Variants in GNG7 observed in about 807,000 individuals in gnomAD.
GNG7 encodes the protein G protein subunit gamma 7, also known as guanine nucleotide-binding protein G(I)/G(S)/G(O) subunit gamma-7.
A neutral mutation model predicts 4.0 loss-of-function variants in GNG7; 1 was observed. That is an observed-to-expected ratio of 0.25 (90% CI 0.09 to 1.18). GNG7 has a LOEUF of 1.18. Ranked by LOEUF, GNG7 falls within the 50% of genes most tolerant of loss-of-function variation. GNG7 has a pLI of 0.50. For synonymous variants in GNG7, 34 were observed against 36.9 expected, an observed-to-expected ratio of 0.92 and a Z score of 0.29; for missense variants, 86 against 91.9, an observed-to-expected ratio of 0.94 and a Z score of 0.26.
intron 3 of GNG7, among the ~76,000 whole-genome samples, chr19:2,531,218 C>T (rs1007226616): frequency 1.4e-5 from 2 of 146,646 alleles, no homozygotes; most frequent in African/African-American, 2.5e-5. Context: ...ATGAGAGAAT[C>T]CCTTGAATCC....
In GNG7 at chr19:2,614,088, C is replaced by CGTTGCAGGCGTCT. The variant is rs1981652474; in HGVS notation, c.-78+32123_-78+32135dup. 6.6e-6 allele frequency among the ~76,000 whole-genome samples: 1 copy of CGTTGCAGGCGTCT among 152,206 alleles called. No homozygotes were observed. Among genetic ancestry groups the CGTTGCAGGCGTCT allele is most frequent in the South Asian group, 2.1e-4 (1 of 4,832 alleles). On this transcript the variant is annotated intron_variant, in intron 2 of 4. Coordinates refer to ENST00000382159, the MANE Select transcript of GNG7 (RefSeq NM_052847.3). This position sits in a 1 kb window ranked among gnomAD's most constrained non-coding sequence, Gnocchi z 6.0. The stretch of plus-strand genomic sequence containing the variant: ...GGGGCCAGCCTCGCACAGGTGGGTC[C>CGTTGCAGGCGTCT]GTTGCAGGCGTCTGTTGCGAGACCA...
chr19:2,523,457 G>A (rs183464623), intron 3 of GNG7, among the ~76,000 whole-genome samples: 145 of 152,120 alleles, frequency 9.5e-4, no homozygotes, highest in Middle Eastern at 6.8e-3. Context: ...GGAGGCTGAG[G>A]TGGGAGGATC....
chr19:2,574,094 C>T (rs954457414), intron 2 of GNG7, among the ~76,000 whole-genome samples: 5 of 152,190 alleles, frequency 3.3e-5, no homozygotes, highest in Admixed American at 6.5e-5. Context: ...CCCGTCACAC[C>T]TGGGCTGGTG....
At chr19:2,587,061 C>A (rs1248535189) in intron 2 of GNG7, among the ~76,000 whole-genome samples, 1 of 151,700 alleles carries the variant, frequency 6.6e-6, no homozygotes, top group Non-Finnish European at 1.5e-5. Context: ...CATCCACTAC[C>A]ACGCAACACC....
At chr19:2,555,953 A>AG (rs1448137180) in intron 2 of GNG7, among the ~76,000 whole-genome samples, 1 of 152,094 alleles carries the variant, frequency 6.6e-6, no homozygotes, top group South Asian at 2.1e-4. Flanking sequence ...ACGGATCGCG[A>AG]GGGGGGCCCA....
chr19:2,653,628 T>G lies in GNG7; in HGVS notation c.-134-7348A>C, dbSNP rs1982886785. ...GCCGGATCATTCTCTGGGGTGGGGC[T>G]GTCCTGGGCACTGCGGGGAGCTGAG... On this transcript the variant is annotated intron_variant, in intron 1 of 4. Transcript: ENST00000382159. This position sits in a 1 kb window ranked among gnomAD's most constrained non-coding sequence, Gnocchi z 4.8. Among the ~76,000 whole-genome samples, 1 of 152,108 alleles carries G rather than the reference T, an allele frequency of 6.6e-6. No individual in the cohort carries two copies. The highest frequency in any genetic ancestry group is 6.5e-5 in the Admixed American group (1 of 15,276).
rs115374517 is a variant in GNG7 at position 2,574,726 on chromosome 19, T to C, written c.-77-19538A>G. Among the ~76,000 whole-genome samples the C allele has an allele frequency of 2.8e-3, 428 of 152,328 alleles. 3 individuals are homozygous for C. Among genetic ancestry groups the C allele is most frequent in the African/African-American group, 9.8e-3 (406 of 41,556 alleles). ...CTTTCAGTCCCTGCTGTCAGTTCTG[T>C]GGGGTCTATCCCCAGGAGTGGGATT... On this transcript the variant is annotated intron_variant, in intron 2 of 4. Transcript: ENST00000382159.
intron 1 of GNG7, among the ~76,000 whole-genome samples, chr19:2,662,988 G>A (rs1170768809): frequency 6.6e-6 from 1 of 152,074 alleles, no homozygotes; most frequent in Non-Finnish European, 1.5e-5. Context: ...AAAAAAATCA[G>A]GACAAAGACC....
Position 2,633,607 on chromosome 19 carries a change from A to G in GNG7, c.-78+12617T>C, listed in dbSNP as rs1442876748. Among the ~76,000 whole-genome samples the G allele has an allele frequency of 6.6e-6, 1 of 150,812 alleles. No homozygotes were observed. The highest frequency in any genetic ancestry group is 2.4e-5 in the African/African-American group (1 of 41,114). ...GTCGTGGATGTGAGCCTCTCTGGGT[A>G]TGGAGCCTCAATCAGTAGAGTCAGG... is the stretch of plus-strand genomic sequence containing the variant. On this transcript the variant is annotated intron_variant, in intron 2 of 4. Transcript: ENST00000382159. The surrounding 1 kb of genome is among the most constrained non-coding windows in gnomAD (Gnocchi z 5.9).
intron 1 of GNG7, among the ~76,000 whole-genome samples, chr19:2,671,482 T>C (rs545191998): frequency 6.6e-6 from 1 of 152,166 alleles, no homozygotes; most frequent in Non-Finnish European, 1.5e-5. Context: ...TTCCCCCAGC[T>C]TCAGCCGCCT....
chr19:2,623,844 G>A (rs963677921), intron 2 of GNG7, among the ~76,000 whole-genome samples: 1 of 152,108 alleles, frequency 6.6e-6, no homozygotes, highest in African/African-American at 2.4e-5. Flanking sequence ...TCGCACCGCT[G>A]CACTCCAGCC....
Position 2,618,911 on chromosome 19 carries a change from T to C in GNG7, c.-78+27313A>G, listed in dbSNP as rs1981793937. On this transcript the variant is annotated intron_variant, in intron 2 of 4. Coordinates refer to ENST00000382159, the MANE Select transcript of GNG7 (RefSeq NM_052847.3). The surrounding 1 kb of genome is among the most constrained non-coding windows in gnomAD (Gnocchi z 5.1). ...CCCATCCAGGAGCCCATGTGGCATC[T>C]GACCGTCCCATCTCCGTGGGTTCCT... is the stretch of plus-strand genomic sequence containing the variant. Among the ~76,000 whole-genome samples the C allele has an allele frequency of 6.6e-6, 1 of 152,156 alleles. No homozygotes were observed.
intron 1 of GNG7, among the ~76,000 whole-genome samples, chr19:2,655,560 C>A (rs112018839): frequency 1.1e-4 from 16 of 151,652 alleles, no homozygotes; most frequent in Non-Finnish European, 1.9e-4. Context: ...AAAATTAGGC[C>A]GGGTGCGGTG....
intron 3 of GNG7, among the ~76,000 whole-genome samples, chr19:2,541,139 C>T (rs909678779): frequency 1.3e-5 from 2 of 152,326 alleles, no homozygotes; most frequent in Non-Finnish European, 2.9e-5. Flanking sequence ...GTTCCTCCAT[C>T]GGCAGGGAAG....
chr19:2,691,213 T>TTAC (rs1913128091), intron 1 of GNG7, among the ~76,000 whole-genome samples: 1 of 152,178 alleles, frequency 6.6e-6, no homozygotes, highest in Non-Finnish European at 1.5e-5. Context: ...AACTGTATCT[T>TTAC]TGTACTTTAA....
chr19:2,552,531 C>T (rs1347204635), intron 3 of GNG7, among the ~76,000 whole-genome samples: 3 of 151,870 alleles, frequency 2.0e-5, no homozygotes, highest in Non-Finnish European at 2.9e-5. Context: ...ACTACAGGTG[C>T]CCACCACCAC....
intron 1 of GNG7, among the ~76,000 whole-genome samples, chr19:2,693,670 T>C (rs1913183757): frequency 1.3e-5 from 2 of 152,068 alleles, no homozygotes; most frequent in Admixed American, 1.3e-4. Flanking sequence ...GTCCATGGCA[T>C]CCACCCACTC....
chr19:2,650,544 TC>T (rs1302972692), intron 1 of GNG7, among the ~76,000 whole-genome samples: 1 of 152,154 alleles, frequency 6.6e-6, no homozygotes, highest in African/African-American at 2.4e-5. Context: ...AACCTCCCTG[TC>T]CCCAGCCCTT....
At chr19:2,629,309 T>C (rs547145559) in intron 2 of GNG7, among the ~76,000 whole-genome samples, 7 of 152,282 alleles carry the variant, frequency 4.6e-5, no homozygotes, top group African/African-American at 1.7e-4. Context: ...CTACCAGTCA[T>C]CTCCTCCTTC....
Sources: allele counts gnomAD v4.1 joint callset (sites outside exome capture counted in the v4.1 genomes callset), GRCh38; gene constraint gnomAD v4.1.1; non-coding constraint Gnocchi (gnomAD v3.1); transcripts MANE v1.5; gene names NCBI Gene and HGNC (gene_info 2026-07-23, HGNC 2026-07-21).